ARHGAP15: variants seen among roughly 807,000 people sequenced by gnomAD.
ARHGAP15 encodes the protein Rho GTPase activating protein 15, also known as rho GTPase-activating protein 15.
A neutral mutation model predicts 63.7 loss-of-function variants in ARHGAP15; 51 were observed. The ratio of observed to expected loss-of-function variants is 0.80; its 90% CI spans 0.64 to 1.01. ARHGAP15 has a LOEUF of 1.01. ARHGAP15 is among the 50% of genes least tolerant of loss of function. The pLI is 0.00. For synonymous variants in ARHGAP15, 191 were observed against 193.8 expected, an observed-to-expected ratio of 0.99 and a Z score of 0.12; for missense variants, 560 against 564.6, an observed-to-expected ratio of 0.99 and a Z score of 0.08.
At chr2:143,372,292 G>A (rs554454218) in intron 6 of ARHGAP15, among the ~76,000 whole-genome samples, 31 of 149,288 alleles carry the variant, frequency 2.1e-4, no homozygotes, top group African/African-American at 6.9e-4. Flanking sequence ...GCAGTGAGCC[G>A]TGATGGTGTC....
At chr2:143,490,873 C>T (rs533823003) in intron 9 of ARHGAP15, among the ~76,000 whole-genome samples, 1 of 152,304 alleles carries the variant, frequency 6.6e-6, no homozygotes, top group East Asian at 1.9e-4. Flanking sequence ...AATGATCTGC[C>T]TGCCTTGGCC....
rs560275569 is a variant in ARHGAP15, at chr2:143,729,789, A to G, written c.1244+26265A>G. Among the ~76,000 whole-genome samples the G allele has an allele frequency of 7.9e-5, 12 of 152,382 alleles. No homozygotes were observed. In the South Asian group the frequency reaches 2.5e-3, roughly 32 times the overall value. Reference sequence around the variant, plus strand: ...TGAAAACCAAGTGAAATAATGATTTAGATTGCCTTAAATCAAAGTGACTAA... The same window carrying G: ...TGAAAACCAAGTGAAATAATGATTTGGATTGCCTTAAATCAAAGTGACTAA... On this transcript the variant is annotated intron_variant, in intron 13 of 13. Coordinates refer to ENST00000295095, the MANE Select transcript of ARHGAP15 (RefSeq NM_018460.4).
chr2:143,447,455 G>A (rs979143946), intron 8 of ARHGAP15, among the ~76,000 whole-genome samples: 2 of 152,152 alleles, frequency 1.3e-5, no homozygotes, highest in African/African-American at 4.8e-5. Flanking sequence ...CCAAACTATA[G>A]TGTATTGATC....
intron 8 of ARHGAP15, among the ~76,000 whole-genome samples, chr2:143,452,706 T>G (rs72853752): frequency 0.095 from 14,078 of 147,418 alleles, 826 homozygotes; most frequent in African/African-American, 0.17. Flanking sequence ...AAAATGAGAG[T>G]GCTCATTTGA....
At chr2:143,552,638 CTA>C (rs1263150294) in intron 10 of ARHGAP15, among the ~76,000 whole-genome samples, 1 of 152,136 alleles carries the variant, frequency 6.6e-6, no homozygotes. Flanking sequence ...ACAGTAAACA[CTA>C]TTTTGAAATA....
intron 6 of ARHGAP15, among the ~76,000 whole-genome samples, chr2:143,369,435 C>T (rs1317369016): frequency 6.6e-6 from 1 of 151,934 alleles, no homozygotes; most frequent in African/African-American, 2.4e-5. Flanking sequence ...AGTAGACAAA[C>T]CTTTGAGCTT....
chr2:143,313,641 A>G (rs1683549437), intron 6 of ARHGAP15, among the ~76,000 whole-genome samples: 1 of 152,202 alleles, frequency 6.6e-6, no homozygotes, highest in South Asian at 2.1e-4. Context: ...AGATGTTTGT[A>G]ACATAACGAC....
At chr2:143,278,218 A>G (rs1432489770) in intron 6 of ARHGAP15, among the ~76,000 whole-genome samples, 1 of 152,100 alleles carries the variant, frequency 6.6e-6, no homozygotes, top group African/African-American at 2.4e-5. Context: ...CATGTTGCCT[A>G]TTGCCGGTCC....
Position 143,722,172 on chromosome 2 carries a change from AAC to A in ARHGAP15, c.1244+18665_1244+18666del, listed in dbSNP as rs758357420. On this transcript the variant is annotated intron_variant, in intron 13 of 13. Coordinates refer to ENST00000295095, the MANE Select transcript of ARHGAP15 (RefSeq NM_018460.4). ...AATTCACTTTAGATACTTGAAAAGA[AAC>A]ACACACACACACACACTCACACACA... Among the ~76,000 whole-genome samples the A allele has an allele frequency of 3.0e-3, 454 of 150,556 alleles. 1 individual carries two copies. The highest frequency in any genetic ancestry group is 8.0e-3 in the African/African-American group (328 of 41,204).
chr2:143,634,215 C>T (rs1388129962), intron 12 of ARHGAP15, among the ~76,000 whole-genome samples: 1 of 152,054 alleles, frequency 6.6e-6, no homozygotes, highest in African/African-American at 2.4e-5. Flanking sequence ...TCTTTGACTG[C>T]TCCATCTGTC....
intron 8 of ARHGAP15, among the ~76,000 whole-genome samples, chr2:143,458,252 CAGTG>C (rs1181898920): frequency 6.6e-6 from 1 of 152,046 alleles, no homozygotes; most frequent in Non-Finnish European, 1.5e-5. Context: ...CACAAATAAT[CAGTG>C]AGTAAAATTT....
intron 12 of ARHGAP15, among the ~76,000 whole-genome samples, chr2:143,651,291 C>T (rs933157275): frequency 6.6e-6 from 1 of 151,856 alleles, no homozygotes; most frequent in Non-Finnish European, 1.5e-5. Context: ...TTCATAATTT[C>T]CTTCCTCCAC....
At chr2:143,281,440 A>C (rs1475542753) in intron 6 of ARHGAP15, among the ~76,000 whole-genome samples, 1 of 152,148 alleles carries the variant, frequency 6.6e-6, no homozygotes, top group Admixed American at 6.6e-5. Context: ...GATATGACTT[A>C]TTGTTAGGAT....
intron 8 of ARHGAP15, among the ~76,000 whole-genome samples, chr2:143,480,219 A>G (rs1011564604): frequency 1.3e-5 from 2 of 152,256 alleles, no homozygotes; most frequent in Non-Finnish European, 2.9e-5. Flanking sequence ...AGTAGAAGAC[A>G]TGGATACATA....
chr2:143,687,634 A>T (rs1683408009), intron 12 of ARHGAP15, among the ~76,000 whole-genome samples: 1 of 152,232 alleles, frequency 6.6e-6, no homozygotes, highest in Admixed American at 6.5e-5. Flanking sequence ...ACTGCAACAG[A>T]AATACCTAGA....
intron 8 of ARHGAP15, among the ~76,000 whole-genome samples, chr2:143,446,302 G>A (rs1176342380): frequency 1.3e-5 from 2 of 151,478 alleles, no homozygotes; most frequent in African/African-American, 4.8e-5. Context: ...TTTCCATCTG[G>A]GTAAATTCTG....
chr2:143,503,768 G>A (rs889935894), intron 9 of ARHGAP15, among the ~76,000 whole-genome samples: 2 of 152,194 alleles, frequency 1.3e-5, no homozygotes, highest in African/African-American at 4.8e-5. Flanking sequence ...CCAATGATGA[G>A]GATGAAGAGC....
intron 13 of ARHGAP15, among the ~76,000 whole-genome samples, chr2:143,757,891 A>G (rs182184749): frequency 5.9e-5 from 9 of 152,270 alleles, no homozygotes; most frequent in South Asian, 2.1e-4. Flanking sequence ...ATATGACTAC[A>G]TAAGAACTTA....
At chr2:143,679,033 G>A (rs750475959) in intron 12 of ARHGAP15, among the ~76,000 whole-genome samples, 3 of 152,088 alleles carry the variant, frequency 2.0e-5, no homozygotes, top group Admixed American at 1.3e-4. Context: ...CTGCTTTGCT[G>A]TAGTAAGTAG....
Sources: allele counts gnomAD v4.1 joint callset (sites outside exome capture counted in the v4.1 genomes callset), GRCh38; gene constraint gnomAD v4.1.1; transcripts MANE v1.5; gene names NCBI Gene and HGNC (gene_info 2026-07-23, HGNC 2026-07-21).